YWHAQ: variants seen among roughly 807,000 people sequenced by gnomAD.
YWHAQ encodes 14-3-3 protein theta.
YWHAQ carries 6 observed loss-of-function variants against 28.3 expected under a neutral mutation model. The observed-to-expected ratio is 0.21, with a 90% CI of 0.12 to 0.42. The LOEUF (loss-of-function observed/expected upper bound fraction) is 0.42. Ranked by LOEUF, YWHAQ falls within the 10% of genes least tolerant of loss-of-function variation. The pLI is 1.00. For missense variants in YWHAQ, 201 were observed against 305.6 expected, an observed-to-expected ratio of 0.66 and a Z score of 2.55; for synonymous variants, 143 against 119.1, an observed-to-expected ratio of 1.20 and a Z score of -1.31.
At chr2:9,605,727 A>ATT (rs540959701) in intron 2 of YWHAQ, among the ~76,000 whole-genome samples, 1 of 142,882 alleles carries the variant, frequency 7.0e-6, no homozygotes. Flanking sequence ...TGACCGGCTA[A>ATT]TTTTTTTTTT....
chr2:9,622,966 T>C (rs1290561535), intron 2 of YWHAQ, among the ~76,000 whole-genome samples: 3 of 152,206 alleles, frequency 2.0e-5, no homozygotes, highest in Non-Finnish European at 4.4e-5. Context: ...TCTGTTGCCA[T>C]TTGGAAAGGA....
chr2:9,607,486 C>T (rs1341783515), intron 2 of YWHAQ, among the ~76,000 whole-genome samples: 5 of 151,886 alleles, frequency 3.3e-5, no homozygotes, highest in Admixed American at 2.0e-4. Context: ...GGATTACAGG[C>T]GTGAGCCATC....
chr2:9,589,321 C>A (rs1001997682), intron 3 of YWHAQ, among the ~76,000 whole-genome samples: 1 of 152,052 alleles, frequency 6.6e-6, no homozygotes, highest in African/African-American at 2.4e-5. Context: ...CAGTGGCTCA[C>A]GCCTGTAATC....
intron 2 of YWHAQ, among the ~76,000 whole-genome samples, chr2:9,611,460 T>C (rs1666945459): frequency 6.6e-6 from 1 of 152,184 alleles, no homozygotes; most frequent in African/African-American, 2.4e-5. Flanking sequence ...GATCTAGGCT[T>C]GAAAGATTGC....
At chr2:9,626,783 T>C (rs1667255710) in intron 2 of YWHAQ, among the ~76,000 whole-genome samples, 1 of 152,208 alleles carries the variant, frequency 6.6e-6, no homozygotes, top group Non-Finnish European at 1.5e-5. Context: ...CTCAGTAAGA[T>C]CACCAATGAC....
intron 2 of YWHAQ, among the ~76,000 whole-genome samples, chr2:9,624,530 G>T (rs1047643811): frequency 1.3e-5 from 2 of 152,030 alleles, no homozygotes; most frequent in Non-Finnish European, 2.9e-5. Context: ...CATGGGGGGG[G>T]CTGGGGTCTT....
At chr2:9,621,615 T>A (rs1334188299) in intron 2 of YWHAQ, among the ~76,000 whole-genome samples, 1 of 151,686 alleles carries the variant, frequency 6.6e-6, no homozygotes, top group African/African-American at 2.4e-5. Context: ...CAAAGCAAAA[T>A]TTACATACAA....
At position 9,630,540 on chromosome 2, in the gene YWHAQ, G is replaced by T; in HGVS notation, c.-82-6C>A. 7.6e-7 allele frequency: 1 copy of T among 1,315,742 alleles called. No homozygotes were observed. Among genetic ancestry groups the T allele is most frequent in the Non-Finnish European group, 1.0e-6 (1 of 989,510 alleles). 81.5% of individuals were successfully genotyped at this position (1,315,742 alleles called of 1,614,324 possible). A position where few individuals can be genotyped will look rare whatever the true frequency, so the allele number is the denominator to read the frequency against. On this transcript the variant is annotated splice_polypyrimidine_tract_variant and splice_region_variant and intron_variant, in intron 1 of 5. Coordinates refer to ENST00000238081, the MANE Select transcript of YWHAQ (RefSeq NM_006826.4). The surrounding 1 kb of genome is among the most constrained non-coding windows in gnomAD (Gnocchi z 5.6). ...AGCGGGAGGAGCCTCGAGAGCTGCG[G>T]AGGGGCGGGGCGGCGAGGCGAGAAC...
chr2:9,588,951 CAAA>C (rs1254307902), intron 3 of YWHAQ, among the ~76,000 whole-genome samples: 1 of 151,874 alleles, frequency 6.6e-6, no homozygotes, highest in African/African-American at 2.4e-5. Flanking sequence ...CCTGTCTCTA[CAAA>C]AAATAATAAT....
chr2:9,610,532 G>A (rs923495028), intron 2 of YWHAQ, among the ~76,000 whole-genome samples: 2 of 151,988 alleles, frequency 1.3e-5, no homozygotes, highest in African/African-American at 4.8e-5. Flanking sequence ...TTTTGAGACA[G>A]AGTTTCATTC....
At chr2:9,599,656 T>C (rs1217825218) in intron 2 of YWHAQ, among the ~76,000 whole-genome samples, 2 of 152,220 alleles carry the variant, frequency 1.3e-5, no homozygotes, top group East Asian at 3.9e-4. Context: ...TTTAAGTCCA[T>C]TGTTGAGACC....
intron 2 of YWHAQ, among the ~76,000 whole-genome samples, chr2:9,592,136 C>CTACT (rs1430350731): frequency 1.3e-5 from 2 of 152,178 alleles, no homozygotes; most frequent in African/African-American, 2.4e-5. Flanking sequence ...GAGAATAGTG[C>CTACT]TACTCAGTGC....
chr2:9,592,307 T>A (rs958512276), intron 2 of YWHAQ, among the ~76,000 whole-genome samples: 9 of 152,142 alleles, frequency 5.9e-5, no homozygotes, highest in Admixed American at 5.9e-4. Flanking sequence ...CCTAATTTCA[T>A]ACAAAGAAAT....
intron 2 of YWHAQ, among the ~76,000 whole-genome samples, chr2:9,598,217 A>G (rs1200713293): frequency 1.3e-5 from 2 of 152,110 alleles, no homozygotes; most frequent in Non-Finnish European, 2.9e-5. Context: ...GTCAAACTCA[A>G]GTTGCAAAGC....
intron 2 of YWHAQ, among the ~76,000 whole-genome samples, chr2:9,602,336 AC>A (rs1319346255): frequency 6.6e-6 from 1 of 151,972 alleles, no homozygotes; most frequent in Non-Finnish European, 1.5e-5. Flanking sequence ...GGTTGTTTGT[AC>A]CCAGATGTTC....
At chr2:9,608,592 C>A (rs578143650) in intron 2 of YWHAQ, among the ~76,000 whole-genome samples, 1 of 152,282 alleles carries the variant, frequency 6.6e-6, no homozygotes, top group African/African-American at 2.4e-5. Flanking sequence ...ACTGTGTAAA[C>A]AGAGAGATTC....
chr2:9,615,518 G>A (rs1667024935), intron 2 of YWHAQ: 1 of 152,126 alleles, frequency 6.6e-6, no homozygotes, highest in African/African-American at 2.4e-5. Context: ...TGAGAAAAGA[G>A]GCTGAAGAAA....
intron 2 of YWHAQ, among the ~76,000 whole-genome samples, chr2:9,595,166 G>A (rs926389290): frequency 6.6e-6 from 1 of 152,072 alleles, no homozygotes; most frequent in Non-Finnish European, 1.5e-5. Flanking sequence ...GAATAGTTCC[G>A]TCTTTCCATA....
At chr2:9,607,075 G>A (rs568749679) in intron 2 of YWHAQ, among the ~76,000 whole-genome samples, 6 of 151,974 alleles carry the variant, frequency 3.9e-5, no homozygotes, top group African/African-American at 1.4e-4. Context: ...GTAGAGATGG[G>A]GTTTCACCAT....
Sources: allele counts gnomAD v4.1 joint callset (sites outside exome capture counted in the v4.1 genomes callset), GRCh38; gene constraint gnomAD v4.1.1; non-coding constraint Gnocchi (gnomAD v3.1); transcripts MANE v1.5; gene names NCBI Gene and HGNC (gene_info 2026-07-23, HGNC 2026-07-21).